Variants in SGCD observed in about 807,000 individuals in gnomAD.
The protein encoded by SGCD is sarcoglycan delta.
Under a neutral mutation model 36.6 loss-of-function variants are expected in SGCD, and 18 were observed. The observed-to-expected ratio is 0.49, with a 90% CI of 0.34 to 0.73. The LOEUF is 0.73. SGCD is among the 30% of genes least tolerant of loss of function. The probability of loss-of-function intolerance (pLI) is 0.01; values close to 1 mark genes in which losing one functional copy is unlikely to be tolerated. For synonymous variants in SGCD, 133 were observed against 130.6 expected (o/e 1.02, Z -0.12); for missense variants, 387 against 346.7 (o/e 1.12, Z -0.92).
At chr5:156,393,061 G>A (rs1213814060) in intron 3 of SGCD, among the ~76,000 whole-genome samples, 1 of 152,156 alleles carries the variant, frequency 6.6e-6, no homozygotes, top group East Asian at 1.9e-4. Context: ...CCTAGCCAGG[G>A]ATCATGCCCT....
intron 3 of SGCD, among the ~76,000 whole-genome samples, chr5:156,131,795 G>T (rs949338729): frequency 6.6e-6 from 1 of 152,178 alleles, no homozygotes; most frequent in African/African-American, 2.4e-5. Flanking sequence ...ATTGAAAGTG[G>T]CCTGAAACTA....
intron 1 of SGCD, among the ~76,000 whole-genome samples, chr5:156,021,504 A>G (rs1759097091): frequency 6.6e-6 from 1 of 152,176 alleles, no homozygotes. Flanking sequence ...TGAGCAACAG[A>G]GTTAGAGCCT....
At chr5:156,547,179 C>T (rs1377946299) in intron 4 of SGCD, among the ~76,000 whole-genome samples, 2 of 152,126 alleles carry the variant, frequency 1.3e-5, no homozygotes, top group Non-Finnish European at 2.9e-5. Flanking sequence ...TATGATAATA[C>T]ATTTGGGGCC....
chr5:155,777,118 A>T, the SGCD span, among the ~76,000 whole-genome samples: 11 of 152,142 alleles, frequency 7.2e-5, no homozygotes, highest in African/African-American at 2.7e-4. Flanking sequence ...AAACATTATC[A>T]AACTTGATGA....
At chr5:156,146,593 A>G (rs753204591) in intron 3 of SGCD, among the ~76,000 whole-genome samples, 2 of 152,260 alleles carry the variant, frequency 1.3e-5, no homozygotes, top group Non-Finnish European at 1.5e-5. Context: ...GTAATTTTAC[A>G]TGTAATTTTA....
At chr5:155,901,337 C>G (rs1273642678) in intron 1 of SGCD, among the ~76,000 whole-genome samples, 1 of 150,266 alleles carries the variant, frequency 6.7e-6, no homozygotes, top group Non-Finnish European at 1.5e-5. Context: ...AAAAGTAACA[C>G]ATGAAATTGA....
Position 156,026,114 on chromosome 5 carries a change from T to C in SGCD, c.-281-91764T>C, listed in dbSNP as rs566970069. ...AATTATTGATAAATGCAAGGCTCAT[T>C]GCCAGGCTCTCAGGAAGATAGAAAT... On this transcript the variant is annotated intron_variant, in intron 1 of 9. Coordinates refer to the SGCD transcript ENST00000517913. Among the ~76,000 whole-genome samples the C allele has an allele frequency of 4.6e-5, 7 of 152,354 alleles. No homozygotes were observed. The South Asian group carries it at 1.4e-3, about 32-fold the overall frequency.
At chr5:156,706,654 C>T (rs1754756348) in intron 7 of SGCD, among the ~76,000 whole-genome samples, 1 of 152,164 alleles carries the variant, frequency 6.6e-6, no homozygotes, top group South Asian at 2.1e-4. Flanking sequence ...ATATATGTTC[C>T]CTCAGCAATC....
At chr5:156,750,803 C>T (rs1581528533) in intron 7 of SGCD, among the ~76,000 whole-genome samples, 1 of 152,156 alleles carries the variant, frequency 6.6e-6, no homozygotes, top group East Asian at 1.9e-4. Context: ...AATTAGATAT[C>T]TATATTTCAG....
intron 3 of SGCD, among the ~76,000 whole-genome samples, chr5:156,408,676 G>T (rs553298436): frequency 1.3e-5 from 2 of 152,236 alleles, no homozygotes; most frequent in South Asian, 4.2e-4. Flanking sequence ...TGAATTTCAT[G>T]TGCGTATCAC....
intron 3 of SGCD, among the ~76,000 whole-genome samples, chr5:156,426,170 TCTA>T (rs1773662959): frequency 1.3e-5 from 2 of 152,102 alleles, no homozygotes; most frequent in African/African-American, 4.8e-5. Flanking sequence ...AGTTTACAAT[TCTA>T]CTAGCAACGT....
intron 3 of SGCD, among the ~76,000 whole-genome samples, chr5:156,229,277 C>CACATATAT (rs1554085595): frequency 2.1e-4 from 12 of 56,466 alleles, no homozygotes; most frequent in African/African-American, 4.0e-4. Flanking sequence ...TATATACATA[C>CACATATAT]ATATATATAT....
intron 1 of SGCD, among the ~76,000 whole-genome samples, chr5:156,040,499 G>A (rs946025906): frequency 1.4e-4 from 21 of 152,254 alleles, no homozygotes; most frequent in African/African-American, 3.4e-4. Context: ...CAGATGACAC[G>A]TGTTTTTATG....
intron 7 of SGCD, among the ~76,000 whole-genome samples, chr5:156,749,136 T>C (rs1357659713): frequency 6.6e-6 from 1 of 152,082 alleles, no homozygotes; most frequent in African/African-American, 2.4e-5. Context: ...AAAACAATGT[T>C]CAAAAGTTCA....
At chr5:156,562,945 C>A (rs978376583) in intron 4 of SGCD, among the ~76,000 whole-genome samples, 10 of 151,418 alleles carry the variant, frequency 6.6e-5, no homozygotes, top group African/African-American at 2.4e-4. Context: ...ATTAAGAAAC[C>A]AATTAACAAG....
intron 1 of SGCD, among the ~76,000 whole-genome samples, chr5:155,947,296 TGTGTGTG>T (rs1223535111): frequency 0.053 from 20 of 380 alleles, no homozygotes; most frequent in East Asian, 0.25. Context: ...AATACTCTTG[TGTGTGTG>T]TGTGTGTGTG....
chr5:156,208,511 T>C (rs1158409438), intron 3 of SGCD, among the ~76,000 whole-genome samples: 1 of 152,210 alleles, frequency 6.6e-6, no homozygotes, highest in Admixed American at 6.5e-5. Context: ...ATGTGGGTGA[T>C]ATAGGTGTAT....
In SGCD at chr5:156,239,714, G is replaced by T. The variant is rs188010407; in HGVS notation, c.-43-89820G>T. On this transcript the variant is annotated intron_variant, in intron 3 of 9. Transcript: ENST00000517913. Reference sequence around the variant, plus strand: ...ACTGAGTTTATCACCTATTTACCAGGGAGTGTGAAGAAAGTATTTATTCTC... The same window carrying T: ...ACTGAGTTTATCACCTATTTACCAGTGAGTGTGAAGAAAGTATTTATTCTC... Among the ~76,000 whole-genome samples, 866 of 152,202 alleles carry T rather than the reference G, an allele frequency of 5.7e-3. 11 individuals carry two copies. Among genetic ancestry groups the T allele is most frequent in the African/African-American group, 0.02 (823 of 41,526 alleles).
intron 1 of SGCD, among the ~76,000 whole-genome samples, chr5:156,072,919 G>T (rs888781352): frequency 6.6e-6 from 1 of 151,934 alleles, no homozygotes; most frequent in Non-Finnish European, 1.5e-5. Context: ...CCAGTTGATC[G>T]CATCGGCTCC....
Sources: allele counts gnomAD v4.1 joint callset (sites outside exome capture counted in the v4.1 genomes callset), GRCh38; gene constraint gnomAD v4.1.1; transcripts MANE v1.5; gene names NCBI Gene and HGNC (gene_info 2026-07-23, HGNC 2026-07-21).